TMPRSS11A: variants seen among roughly 807,000 people sequenced by gnomAD.
TMPRSS11A encodes transmembrane serine protease 11A.
TMPRSS11A carries 53 observed loss-of-function variants against 58.9 expected under a neutral mutation model. The ratio of observed to expected loss-of-function variants is 0.90; its 90% CI spans 0.72 to 1.13. The LOEUF (loss-of-function observed/expected upper bound fraction) is 1.13, where lower values mean the gene tolerates loss of function less well. Ranked by LOEUF, TMPRSS11A falls within the 50% of genes most tolerant of loss-of-function variation. The pLI, the probability that TMPRSS11A is intolerant of heterozygous loss-of-function variation, is 0.00. For missense variants in TMPRSS11A, 493 were observed against 499.3 expected, an observed-to-expected ratio of 0.99 and a Z score of 0.12; for synonymous variants, 167 against 169.8, an observed-to-expected ratio of 0.98 and a Z score of 0.13.
intron 8 of TMPRSS11A, among the ~76,000 whole-genome samples, chr4:67,918,731 G>A (rs1720226240): frequency 6.6e-6 from 1 of 152,178 alleles, no homozygotes; most frequent in African/African-American, 2.4e-5. Context: ...TGTGTCTGAA[G>A]TGAAACTTAC....
chr4:67,958,883 T>C, intron 1 of TMPRSS11A, among the ~76,000 whole-genome samples: 1 of 152,214 alleles, frequency 6.6e-6, no homozygotes, highest in East Asian at 1.9e-4. Flanking sequence ...TATGCTATTC[T>C]TGTGATAATG....
chr4:67,943,966 C>T (rs1720939060), intron 3 of TMPRSS11A, among the ~76,000 whole-genome samples: 1 of 152,100 alleles, frequency 6.6e-6, no homozygotes, highest in South Asian at 2.1e-4. Flanking sequence ...AATGATTATA[C>T]AACTGAGTGT....
intron 3 of TMPRSS11A, among the ~76,000 whole-genome samples, chr4:67,943,792 G>T (rs537317875): frequency 6.6e-6 from 1 of 152,272 alleles, no homozygotes; most frequent in East Asian, 1.9e-4. Flanking sequence ...AATGGTAGAT[G>T]ATTTGGGAAA....
At chr4:67,942,934 A>T (rs1349319752) in intron 3 of TMPRSS11A, among the ~76,000 whole-genome samples, 1 of 152,228 alleles carries the variant, frequency 6.6e-6, no homozygotes, top group East Asian at 1.9e-4. Flanking sequence ...ATAACACAAA[A>T]TGTAAGTTAA....
chr4:67,946,682 G>C lies in TMPRSS11A; in HGVS notation c.12-111C>G, dbSNP rs886968410. The C allele has an allele frequency of 6.1e-6, 7 of 1,145,468 alleles. No individual in the cohort carries two copies. The African/African-American group carries it at 1.1e-4, about 18-fold the overall frequency. 71.0% of individuals were successfully genotyped at this position (1,145,468 alleles called of 1,614,324 possible). On this transcript the variant is annotated intron_variant, in intron 1 of 9. Coordinates refer to ENST00000508048, the MANE Select transcript of TMPRSS11A (RefSeq NM_001114387.2). ...GTAGCCTACCTTTCCCTGCAAAAAG[G>C]TCTTTAATTTTGTTCAATGTCATCT...
At position 67,922,767 on chromosome 4, in the gene TMPRSS11A, T is replaced by G; in HGVS notation, c.680A>C (p.His227Pro). The G allele has an allele frequency of 6.2e-7, 1 of 1,613,628 alleles. No homozygotes were observed. Among genetic ancestry groups the G allele is most frequent in the Non-Finnish European group, 8.5e-7 (1 of 1,179,664 alleles). The change falls in exon 7 of 10, where the codon CAC becomes CCC. Residue 227 changes from histidine (H) to proline (P), a missense_variant. Coordinates refer to ENST00000508048, the MANE Select transcript of TMPRSS11A (RefSeq NM_001114387.2). ...ISNTWLVTAA[H>P]CFQKYKNPHQ... ...GTCAATAACTTACTTCTGGAAGCAG[T>G]GTGCTGCAGTGACAAGCCATGTGTT...
chr4:67,955,721 A>T (rs1411295209), intron 1 of TMPRSS11A, among the ~76,000 whole-genome samples: 2 of 152,088 alleles, frequency 1.3e-5, no homozygotes, highest in African/African-American at 4.8e-5. Flanking sequence ...ACTATATCTT[A>T]GGTGCTGTGT....
chr4:67,942,957 G>A (rs569671223), intron 3 of TMPRSS11A, among the ~76,000 whole-genome samples: 13 of 152,190 alleles, frequency 8.5e-5, no homozygotes, highest in African/African-American at 2.6e-4. Context: ...GCAAGTGTAC[G>A]CAAAATAGCA....
At chr4:67,917,843 A>C (rs1190280402) in intron 8 of TMPRSS11A, among the ~76,000 whole-genome samples, 1 of 152,200 alleles carries the variant, frequency 6.6e-6, no homozygotes, top group Non-Finnish European at 1.5e-5. Flanking sequence ...AAATCCATCC[A>C]AGAGAGTGCA....
rs59089757 is a variant in TMPRSS11A, at chr4:67,948,987, A to G, written c.12-2416T>C. 4.7e-3 allele frequency among the ~76,000 whole-genome samples: 721 copies of G among 152,316 alleles called. 6 individuals are homozygous for G. Among genetic ancestry groups the G allele is most frequent in the African/African-American group, 0.016 (670 of 41,552 alleles). On this transcript the variant is annotated intron_variant, in intron 1 of 9. Transcript: ENST00000508048. ...AAATTATTTAATAAATTTATCATTT[A>G]TGTATTAATCTATTCATTCACTCAT...
intron 3 of TMPRSS11A, among the ~76,000 whole-genome samples, chr4:67,934,473 G>A (rs990723923): frequency 5.9e-5 from 9 of 152,098 alleles, no homozygotes; most frequent in African/African-American, 2.2e-4. Flanking sequence ...AAAGTTGTGT[G>A]CCAGGTTGTT....
At chr4:67,934,688 C>T (rs1254606520) in intron 3 of TMPRSS11A, among the ~76,000 whole-genome samples, 3 of 152,020 alleles carry the variant, frequency 2.0e-5, no homozygotes, top group African/African-American at 7.2e-5. Flanking sequence ...TCCAAGAGGG[C>T]AATTGAAGGT....
In TMPRSS11A at chr4:67,919,187, G is replaced by A. The variant is rs762320807; in HGVS notation, c.738C>T (p.Ile246=). ...HQWTVSFGTK[I]NPPLMKRNVR... is the part of the protein sequence containing the mutation. Reference sequence around the variant, plus strand: ...CATTTCTTTTCATTAAGGGAGGGTTGATTTTTGTTCCAAAACTAACAGTCC... The same window carrying A: ...CATTTCTTTTCATTAAGGGAGGGTTAATTTTTGTTCCAAAACTAACAGTCC... The change falls in exon 8 of 10, where the codon ATC becomes ATT. Residue 246 remains isoleucine (I), a synonymous_variant. Transcript: ENST00000508048. 1 of 1,614,082 alleles carries A rather than the reference G, an allele frequency of 6.2e-7. No individual in the cohort carries two copies. The highest frequency in any genetic ancestry group is 1.3e-5 in the African/African-American group (1 of 75,042).
intron 3 of TMPRSS11A, among the ~76,000 whole-genome samples, chr4:67,941,851 A>G (rs1720885643): frequency 6.6e-6 from 1 of 151,994 alleles, no homozygotes. Flanking sequence ...GCTTCAAAAT[A>G]CAATCATAAG....
intron 2 of TMPRSS11A, among the ~76,000 whole-genome samples, chr4:67,944,951 G>T (rs933829019): frequency 1.3e-5 from 2 of 152,134 alleles, no homozygotes; most frequent in Non-Finnish European, 2.9e-5. Flanking sequence ...TAAGTAAATT[G>T]TTCTGTAACT....
chr4:67,958,241 C>T (rs1560576078), intron 1 of TMPRSS11A, among the ~76,000 whole-genome samples: 1 of 152,128 alleles, frequency 6.6e-6, no homozygotes, highest in Admixed American at 6.5e-5. Context: ...TCCTCCAGAC[C>T]CCAGAATGGT....
chr4:67,955,181 G>A (rs1175684070), intron 1 of TMPRSS11A, among the ~76,000 whole-genome samples: 1 of 152,118 alleles, frequency 6.6e-6, no homozygotes, highest in Non-Finnish European at 1.5e-5. Context: ...CCAACACAAA[G>A]TATACTCCAG....
intron 8 of TMPRSS11A, among the ~76,000 whole-genome samples, chr4:67,918,139 C>T (rs1295518334): frequency 6.6e-6 from 1 of 152,152 alleles, no homozygotes; most frequent in Non-Finnish European, 1.5e-5. Context: ...TGTATAGAAT[C>T]CTGCAAATAG....
At chr4:67,911,731 T>TA (rs895454491) in intron 9 of TMPRSS11A, among the ~76,000 whole-genome samples, 7 of 152,048 alleles carry the variant, frequency 4.6e-5, no homozygotes, top group African/African-American at 1.7e-4. Context: ...AGCACTTAGT[T>TA]AAAAAAGGCA....
Sources: gnomAD v4.1 joint callset for allele counts (sites outside exome capture counted in the v4.1 genomes callset) on GRCh38, gnomAD v4.1.1 for gene constraint, MANE v1.5 for transcripts, NCBI Gene and HGNC (gene_info 2026-07-23, HGNC 2026-07-21) for gene names.